IHO1: variants seen among roughly 807,000 people sequenced by gnomAD.
The protein encoded by IHO1 is interactor of HORMAD1 1, also known as interactor of HORMAD1 protein 1.
A neutral mutation model predicts 31.0 loss-of-function variants in IHO1; 13 were observed. That is an observed-to-expected ratio of 0.42 (90% CI 0.27 to 0.67). IHO1 has a LOEUF of 0.67. Among genes scored for constraint, IHO1 ranks in the 30% least tolerant of loss-of-function variants. The pLI, the probability that IHO1 is intolerant of heterozygous loss-of-function variation, is 0.24. For synonymous variants in IHO1, 221 were observed against 248.4 expected, an observed-to-expected ratio of 0.89 and a Z score of 1.04; for missense variants, 599 against 687.5, an observed-to-expected ratio of 0.87 and a Z score of 1.44.
At chr3:49,198,860 G>A (rs1299440368), upstream of IHO1, 1 of 152,764 alleles carries the variant, frequency 6.5e-6, no homozygotes, top group African/African-American at 2.4e-5. Flanking sequence ...AACCTCAGAA[G>A]ATTTCTTGCC....
upstream of IHO1, among the ~76,000 whole-genome samples, chr3:49,194,216 C>G (rs952281630): frequency 7.0e-6 from 1 of 143,822 alleles, no homozygotes; most frequent in African/African-American, 2.6e-5. Context: ...TGCAGTGAGT[C>G]GAGATCGTGC....
chr3:49,249,958 G>T (rs2046740812), intron 6 of IHO1, among the ~76,000 whole-genome samples: 1 of 152,152 alleles, frequency 6.6e-6, no homozygotes, highest in African/African-American at 2.4e-5. Context: ...TTACCAAGTT[G>T]CTAAAATAAA....
Position 49,231,454 on chromosome 3 carries a change from A to G in IHO1, c.57-5094A>G, listed in dbSNP as rs565897726. 3.3e-5 allele frequency among the ~76,000 whole-genome samples: 5 copies of G among 152,300 alleles called. No individual in the cohort carries two copies. The South Asian group carries it at 1.0e-3, about 32-fold the overall frequency. On this transcript the variant is annotated intron_variant, in intron 2 of 7. Transcript: ENST00000452691. ...CTTCTTATTCTGGCTTGAAAGGTAA[A>G]GTTTTTCAGATGCCTTATACTTCAG...
chr3:49,202,851 A>ATTTT (rs71077774), intron 1 of IHO1, among the ~76,000 whole-genome samples: 24 of 90,138 alleles, frequency 2.7e-4, no homozygotes, highest in Non-Finnish European at 3.2e-4. Context: ...AATTTTTTGT[A>ATTTT]TTTTTTTTTT....
Position 49,256,889 on chromosome 3 carries a change from C to A in IHO1, c.1392C>A (p.Ile464=), listed in dbSNP as rs1411240850. The stretch of plus-strand genomic sequence containing the variant: ...TCATAGCCAGCAAGCAAAAACAAAT[C>A]CCAATCCAGACCTGTAAATTCAATT... ...GRLIASKQKQ[I]PIQTCKFNSK... Residue 464 remains isoleucine, a synonymous_variant, in exon 8 of 8, where the codon ATC becomes ATA. Coordinates refer to ENST00000452691, the MANE Select transcript of IHO1 (RefSeq NM_001135197.2). The surrounding 1 kb of genome is among the most constrained non-coding windows in gnomAD (Gnocchi z 4.6). 1 of 1,614,112 alleles carries A rather than the reference C, an allele frequency of 6.2e-7. No homozygotes were observed. The highest frequency in any genetic ancestry group is 1.3e-5 in the African/African-American group (1 of 74,938).
intron 1 of IHO1, among the ~76,000 whole-genome samples, chr3:49,204,602 G>A (rs908971600): frequency 1.3e-5 from 2 of 152,204 alleles, no homozygotes; most frequent in Non-Finnish European, 2.9e-5. Context: ...CAGATGAAAT[G>A]ATGCTTTGTT....
rs2046082975 is a variant in IHO1, at chr3:49,202,545, G to A, written c.-16+2972G>A. Among the ~76,000 whole-genome samples, 7 of 123,090 alleles carry A rather than the reference G, an allele frequency of 5.7e-5. 1 individual carries two copies. The South Asian group carries it at 1.6e-3, about 28-fold the overall frequency. The allele number at this position is 123,090 out of a possible 152,430, so 80.8% of individuals were successfully genotyped here. The stretch of plus-strand genomic sequence containing the variant: ...TGTGTGTGTGTGTGTGTGTGTGTGT[G>A]TTTCATATTTTTAGTAGAGATGGGG... On this transcript the variant is annotated intron_variant, in intron 1 of 7. Coordinates refer to ENST00000452691, the MANE Select transcript of IHO1 (RefSeq NM_001135197.2).
intron 3 of IHO1, among the ~76,000 whole-genome samples, chr3:49,240,013 A>T (rs2046610534): frequency 6.6e-6 from 1 of 152,094 alleles, no homozygotes; most frequent in Non-Finnish European, 1.5e-5. Flanking sequence ...GACTTAACAA[A>T]TAAGATTAAG....
In IHO1 at chr3:49,241,270, G is replaced by C. The variant is rs984998759; in HGVS notation, c.276G>C (p.Leu92=). ...IFTKYQTKPQ[L]FGGDIKDGGL... ...CAAAGTACCAGACAAAGCCCCAGCT[G>C]TTCGGAGGAGATATAAAAGATGGAG... is the stretch of plus-strand genomic sequence containing the variant. The change falls in exon 4 of 8, where the codon CTG becomes CTC. Residue 92 remains leucine (L), a synonymous_variant. Transcript: ENST00000452691. 3 of 1,613,538 alleles carry C rather than the reference G, an allele frequency of 1.9e-6. No homozygotes were observed. The highest frequency in any genetic ancestry group is 2.5e-6 in the Non-Finnish European group (3 of 1,179,852).
chr3:49,254,184 A>G (rs2046796683), intron 6 of IHO1, among the ~76,000 whole-genome samples: 3 of 152,170 alleles, frequency 2.0e-5, no homozygotes, highest in African/African-American at 7.2e-5. Context: ...GGCACATAGT[A>G]TATGCTCATT....
chr3:49,232,365 G>A (rs1290888925), intron 2 of IHO1, among the ~76,000 whole-genome samples: 2 of 152,214 alleles, frequency 1.3e-5, no homozygotes, highest in Non-Finnish European at 2.9e-5. Flanking sequence ...AAGGCCAGAT[G>A]CTATCAGCAG....
chr3:49,223,389 T>A (rs188465443), intron 2 of IHO1, among the ~76,000 whole-genome samples: 7 of 152,290 alleles, frequency 4.6e-5, no homozygotes, highest in Middle Eastern at 3.4e-3. Flanking sequence ...TGAGTTATCA[T>A]GGCTTTAAAA....
In IHO1 at chr3:49,257,229, A is replaced by T; in HGVS notation, c.1732A>T (p.Lys578Ter). Residue 578 changes from lysine to a stop codon, truncating the protein, a stop_gained, in exon 8 of 8, where the codon AAG (lysine) becomes TAG (stop). Transcript: ENST00000452691. LOFTEE classifies it high-confidence loss of function. ...SETPLCKEAG[K>*]NLLYDLGFDS... Reference sequence around the variant, plus strand: ...GACCCCTCTATGCAAGGAGGCAGGAAAGAATTTGCTCTATGACCTGGGTTT... The same window carrying T: ...GACCCCTCTATGCAAGGAGGCAGGATAGAATTTGCTCTATGACCTGGGTTT... The T allele has an allele frequency of 6.2e-7, 1 of 1,614,178 alleles. No individual in the cohort carries two copies. The highest frequency in any genetic ancestry group is 1.1e-5 in the South Asian group (1 of 91,082).
intron 1 of IHO1, among the ~76,000 whole-genome samples, chr3:49,210,517 C>A (rs183498319): frequency 6.6e-6 from 1 of 151,878 alleles, no homozygotes; most frequent in East Asian, 1.9e-4. Flanking sequence ...CCTCCTCAAC[C>A]TCCTGAGTAG....
chr3:49,237,614 A>G (rs1411394419), intron 3 of IHO1, among the ~76,000 whole-genome samples: 1 of 151,780 alleles, frequency 6.6e-6, no homozygotes, highest in Non-Finnish European at 1.5e-5. Flanking sequence ...ATATACATAT[A>G]TATTTGCCTA....
At chr3:49,248,641 C>G in intron 6 of IHO1, among the ~76,000 whole-genome samples, 1 of 151,676 alleles carries the variant, frequency 6.6e-6, no homozygotes, top group Non-Finnish European at 1.5e-5. Context: ...GCAGGAGAAT[C>G]ACTTGAACCT....
chr3:49,228,229 G>A (rs1219906355), intron 2 of IHO1: 5 of 380,282 alleles, frequency 1.3e-5, no homozygotes, highest in Non-Finnish European at 2.1e-5. Flanking sequence ...TTGTTGTCGG[G>A]ACCCCAGAAC....
At chr3:49,216,995 G>C (rs560102297) in intron 2 of IHO1, among the ~76,000 whole-genome samples, 2 of 152,348 alleles carry the variant, frequency 1.3e-5, no homozygotes, top group African/African-American at 2.4e-5. Flanking sequence ...AACAACAGAT[G>C]CTGGAGAGGA....
At chr3:49,194,292 G>GTGTATATATATATATATATATATATA (rs2045984478), upstream of IHO1, among the ~76,000 whole-genome samples, 1 of 120,186 alleles carries the variant, frequency 8.3e-6, no homozygotes, top group African/African-American at 3.3e-5. Context: ...AGTACAAAGT[G>GTGTATATATATATATATATATATATA]TATATATATA....
Sources: allele counts gnomAD v4.1 joint callset (sites outside exome capture counted in the v4.1 genomes callset), GRCh38; gene constraint gnomAD v4.1.1; non-coding constraint Gnocchi (gnomAD v3.1); transcripts MANE v1.5; gene names NCBI Gene and HGNC (gene_info 2026-07-23, HGNC 2026-07-21).